ZNF536: variants seen among roughly 807,000 people sequenced by gnomAD.
ZNF536 encodes the protein zinc finger protein 536.
A neutral mutation model predicts 84.5 loss-of-function variants in ZNF536; 13 were observed. That is an observed-to-expected ratio of 0.15 (90% CI 0.10 to 0.24). The LOEUF is 0.24. Among genes scored for constraint, ZNF536 ranks in the 10% least tolerant of loss-of-function variants. ZNF536 has a pLI of 1.00. For synonymous variants in ZNF536, 811 were observed against 742.5 expected (o/e 1.09, Z -1.50); for missense variants, 1,536 against 1,747.5 (o/e 0.88, Z 2.16).
At chr19:30,536,961 G>A (rs1372696697) in intron 3 of ZNF536, among the ~76,000 whole-genome samples, 4 of 152,028 alleles carry the variant, frequency 2.6e-5, no homozygotes, top group South Asian at 2.1e-4. Flanking sequence ...TGGACCCCCC[G>A]CCCCACCAGG....
At chr19:30,628,418 A>G (rs2048765489) in intron 1 of ZNF536, among the ~76,000 whole-genome samples, 1 of 142,568 alleles carries the variant, frequency 7.0e-6, no homozygotes, top group African/African-American at 2.6e-5. Context: ...GCTCCAGCTC[A>G]TCCAGTAGTC....
In ZNF536 at chr19:30,547,926, A is replaced by G. The variant is rs1372912748; in HGVS notation, c.2324-17A>G. On this transcript the variant is annotated splice_polypyrimidine_tract_variant and intron_variant, in intron 3 of 4. Transcript: ENST00000355537. Reference sequence around the variant, plus strand: ...GAGATAAACGCCTCTTTTTTTTCTTATATCAAAATCTTGCAGGTGAGAAAC... The same window carrying G: ...GAGATAAACGCCTCTTTTTTTTCTTGTATCAAAATCTTGCAGGTGAGAAAC... 3 of 1,511,486 alleles carry G rather than the reference A, an allele frequency of 2.0e-6. No homozygotes were observed. Among genetic ancestry groups the G allele is most frequent in the East Asian group, 2.3e-5 (1 of 43,794 alleles). 93.6% of individuals were successfully genotyped at this position (1,511,486 alleles called of 1,614,324 possible). A position where few individuals can be genotyped will look rare whatever the true frequency, so the allele number is the denominator to read the frequency against.
At chr19:30,477,433 G>A (rs1046063431) in intron 2 of ZNF536, among the ~76,000 whole-genome samples, 2 of 152,180 alleles carry the variant, frequency 1.3e-5, no homozygotes, top group Non-Finnish European at 2.9e-5. Flanking sequence ...TTTCTGCGGA[G>A]TCGTATGACA....
chr19:30,622,348 G>A (rs1196218928), intron 1 of ZNF536, among the ~76,000 whole-genome samples: 1 of 152,252 alleles, frequency 6.6e-6, no homozygotes, highest in African/African-American at 2.4e-5. Context: ...CAGTGTTTAG[G>A]GGAGTTCAAT....
intron 1 of ZNF536, among the ~76,000 whole-genome samples, chr19:30,681,672 C>A (rs1282122540): frequency 6.6e-6 from 1 of 152,186 alleles, no homozygotes; most frequent in Non-Finnish European, 1.5e-5. Context: ...AATTTGGATT[C>A]TAGGAAGCCA....
At chr19:30,510,799 A>G (rs765505781) in intron 2 of ZNF536, among the ~76,000 whole-genome samples, 1 of 152,178 alleles carries the variant, frequency 6.6e-6, no homozygotes, top group Non-Finnish European at 1.5e-5. Context: ...ACTGGGAGAC[A>G]TGTCCTGCCT....
At chr19:30,649,716 C>T (rs1445801446) in intron 1 of ZNF536, among the ~76,000 whole-genome samples, 1 of 151,796 alleles carries the variant, frequency 6.6e-6, no homozygotes, top group Non-Finnish European at 1.5e-5. Context: ...CTTTTGAAGC[C>T]CGAGAGTCAT....
At chr19:30,425,598 T>G (rs529587660) in intron 1 of ZNF536, among the ~76,000 whole-genome samples, 73 of 152,240 alleles carry the variant, frequency 4.8e-4, no homozygotes, top group Admixed American at 1.6e-3. Flanking sequence ...TAGACTCTTC[T>G]TGGTAGCAAA....
chr19:30,617,569 C>T (rs917665969), intron 1 of ZNF536, among the ~76,000 whole-genome samples: 3 of 151,638 alleles, frequency 2.0e-5, no homozygotes, highest in Non-Finnish European at 4.4e-5. Flanking sequence ...TCAGGATGGT[C>T]TCGATCTCCT....
chr19:30,616,784 T>A (rs979705104), intron 1 of ZNF536, among the ~76,000 whole-genome samples: 5 of 152,204 alleles, frequency 3.3e-5, no homozygotes, highest in African/African-American at 1.2e-4. Context: ...CAGGGCCTGG[T>A]GCATTTTTGA....
At chr19:30,478,352 G>A (rs141229464) in intron 2 of ZNF536, among the ~76,000 whole-genome samples, 156 of 152,192 alleles carry the variant, frequency 1.0e-3, no homozygotes, top group Non-Finnish European at 1.7e-3. Context: ...GTGGGGCTCC[G>A]CCAGCTTCTA....
chr19:30,580,098 A>C (rs1549935), intron 1 of ZNF536, among the ~76,000 whole-genome samples: 53,105 of 151,868 alleles, frequency 0.35, 9,313 homozygotes, highest in East Asian at 0.42. Flanking sequence ...CCTCATCTTC[A>C]AGGTCCTCTC....
chr19:30,368,684 G>C (rs1203418964), upstream of ZNF536, among the ~76,000 whole-genome samples: 1 of 152,248 alleles, frequency 6.6e-6, no homozygotes, highest in East Asian at 1.9e-4. Context: ...AGCCACACAA[G>C]TTATGAGTTG....
intron 1 of ZNF536, among the ~76,000 whole-genome samples, chr19:30,439,686 C>A (rs925117306): frequency 2.0e-5 from 3 of 152,178 alleles, no homozygotes; most frequent in Non-Finnish European, 4.4e-5. Flanking sequence ...AGGCTTCTCC[C>A]AGGCTTATTC....
intron 1 of ZNF536, among the ~76,000 whole-genome samples, chr19:30,615,313 A>G (rs1011120916): frequency 3.3e-5 from 5 of 152,128 alleles, no homozygotes; most frequent in Admixed American, 1.3e-4. Context: ...TTAGGGTTCC[A>G]GTTTTATTCT....
chr19:30,310,194 C>T (rs1350594848), intron 2 of ZNF536, among the ~76,000 whole-genome samples: 4 of 152,188 alleles, frequency 2.6e-5, no homozygotes, highest in South Asian at 2.1e-4. Context: ...AATGAAGGTA[C>T]GCCAGCCCCG....
intron 1 of ZNF536, among the ~76,000 whole-genome samples, chr19:30,696,313 C>A (rs1476175623): frequency 6.6e-6 from 1 of 152,192 alleles, no homozygotes; most frequent in Non-Finnish European, 1.5e-5. Flanking sequence ...TCCAGCACTT[C>A]CAGGCCAGCG....
intron 1 of ZNF536, among the ~76,000 whole-genome samples, chr19:30,619,505 G>A (rs1250252433): frequency 6.6e-6 from 1 of 152,220 alleles, no homozygotes; most frequent in African/African-American, 2.4e-5. Flanking sequence ...CCTTCAGCCA[G>A]TGTTGTCCCC....
chr19:30,702,698 T>C (rs1039170842), intron 1 of ZNF536, among the ~76,000 whole-genome samples: 3 of 152,212 alleles, frequency 2.0e-5, no homozygotes, highest in African/African-American at 7.2e-5. Context: ...GATGCTGCAC[T>C]GACCCAGGCT....
Sources: gnomAD v4.1 joint callset for allele counts (sites outside exome capture counted in the v4.1 genomes callset) on GRCh38, gnomAD v4.1.1 for gene constraint, MANE v1.5 for transcripts, NCBI Gene and HGNC (gene_info 2026-07-23, HGNC 2026-07-21) for gene names.